FAM171B: variants seen among roughly 807,000 people sequenced by gnomAD.
FAM171B encodes the protein protein FAM171B.
FAM171B carries 19 observed loss-of-function variants against 75.6 expected under a neutral mutation model. The observed-to-expected ratio is 0.25, with a 90% CI of 0.18 to 0.37. The LOEUF (loss-of-function observed/expected upper bound fraction) is 0.37, where lower values mean the gene tolerates loss of function less well. Ranked by LOEUF, FAM171B falls within the 10% of genes least tolerant of loss-of-function variation. FAM171B has a pLI of 1.00. For synonymous variants in FAM171B, 367 were observed against 361.7 expected, an observed-to-expected ratio of 1.01 and a Z score of -0.17; for missense variants, 848 against 982.4, an observed-to-expected ratio of 0.86 and a Z score of 1.83.
intron 1 of FAM171B, among the ~76,000 whole-genome samples, chr2:186,718,994 C>G (rs939893321): frequency 1.3e-5 from 2 of 152,220 alleles, no homozygotes; most frequent in Non-Finnish European, 2.9e-5. Flanking sequence ...GCTATTCATG[C>G]TGTGCTATTC....
In FAM171B at chr2:186,710,879, T is replaced by C. The variant is rs546648748; in HGVS notation, c.238+16468T>C. Among the ~76,000 whole-genome samples the C allele has an allele frequency of 2.6e-5, 4 of 151,794 alleles. No individual in the cohort carries two copies. The East Asian group carries it at 7.7e-4, about 29-fold the overall frequency. On this transcript the variant is annotated intron_variant, in intron 1 of 7. Transcript: ENST00000304698. Reference sequence around the variant, plus strand: ...CATATTTGCTTTATCTCTATTACTGTCTTTACACACACACACACACATACA... The same window carrying C: ...CATATTTGCTTTATCTCTATTACTGCCTTTACACACACACACACACATACA...
chr2:186,721,002 A>G (rs755097424), intron 1 of FAM171B, among the ~76,000 whole-genome samples: 4 of 152,192 alleles, frequency 2.6e-5, no homozygotes, highest in Non-Finnish European at 5.9e-5. Context: ...ATAAAATATC[A>G]ATGATATTGA....
intron 1 of FAM171B, among the ~76,000 whole-genome samples, chr2:186,739,058 A>G (rs770806722): frequency 5.9e-5 from 9 of 152,184 alleles, no homozygotes; most frequent in Non-Finnish European, 1.3e-4. Context: ...CAATTGTAAC[A>G]CAATTTTAAG....
intron 5 of FAM171B, among the ~76,000 whole-genome samples, chr2:186,753,478 A>T (rs144057479): frequency 0.017 from 2,625 of 152,332 alleles, 27 homozygotes; most frequent in Non-Finnish European, 0.028. Context: ...TAAGTTTTTC[A>T]TGAATTCCAT....
intron 4 of FAM171B, among the ~76,000 whole-genome samples, chr2:186,749,858 C>T (rs1690423911): frequency 6.6e-6 from 1 of 152,020 alleles, no homozygotes; most frequent in African/African-American, 2.4e-5. Flanking sequence ...AGAGAGGAGG[C>T]CTTTCTTGAC....
chr2:186,708,824 T>C (rs773123921), intron 1 of FAM171B, among the ~76,000 whole-genome samples: 2 of 152,148 alleles, frequency 1.3e-5, no homozygotes, highest in African/African-American at 4.8e-5. Flanking sequence ...CAATACGTTG[T>C]CTAAAGGAAA....
chr2:186,710,720 A>C (rs1047804483), intron 1 of FAM171B, among the ~76,000 whole-genome samples: 2 of 152,122 alleles, frequency 1.3e-5, no homozygotes, highest in Non-Finnish European at 2.9e-5. Flanking sequence ...TTGTCATTTA[A>C]ATTTGAAGTT....
At chr2:186,721,297 G>A (rs1022232815) in intron 1 of FAM171B, among the ~76,000 whole-genome samples, 2 of 152,126 alleles carry the variant, frequency 1.3e-5, no homozygotes, top group African/African-American at 2.4e-5. Flanking sequence ...AGTCTAATGT[G>A]TAGCCAGGGT....
intron 1 of FAM171B, among the ~76,000 whole-genome samples, chr2:186,699,962 A>C (rs916179211): frequency 6.6e-5 from 10 of 152,142 alleles, no homozygotes; most frequent in South Asian, 4.1e-4. Context: ...TGGGTTCTCT[A>C]TTCTGTTCCA....
chr2:186,720,700 C>CAAAAA (rs71411184), intron 1 of FAM171B, among the ~76,000 whole-genome samples: 42 of 110,006 alleles, frequency 3.8e-4, no homozygotes, highest in Middle Eastern at 6.0e-3. Context: ...AGATCATGTA[C>CAAAAA]AAAAAAAAAA....
At chr2:186,711,462 G>A (rs1184937499) in intron 1 of FAM171B, among the ~76,000 whole-genome samples, 3 of 152,184 alleles carry the variant, frequency 2.0e-5, no homozygotes, top group South Asian at 2.1e-4. Flanking sequence ...TGTAAAAACT[G>A]GGAGTTGTCA....
intron 1 of FAM171B, among the ~76,000 whole-genome samples, chr2:186,732,501 C>T (rs1638378464): frequency 6.6e-6 from 1 of 152,156 alleles, no homozygotes; most frequent in South Asian, 2.1e-4. Flanking sequence ...GGCAGAGAGA[C>T]ACCAAGGCAA....
At chr2:186,718,628 T>C (rs570754137) in intron 1 of FAM171B, among the ~76,000 whole-genome samples, 13 of 152,322 alleles carry the variant, frequency 8.5e-5, no homozygotes, top group Non-Finnish European at 1.8e-4. Context: ...ATATTAAATA[T>C]ACTTACATAC....
At chr2:186,732,283 A>G (rs903210622) in intron 1 of FAM171B, among the ~76,000 whole-genome samples, 3 of 151,826 alleles carry the variant, frequency 2.0e-5, no homozygotes, top group Admixed American at 6.6e-5. Context: ...TTTTTAATTG[A>G]TGTTTTATAA....
chr2:186,699,436 A>G (rs1454730193), intron 1 of FAM171B, among the ~76,000 whole-genome samples: 2 of 152,124 alleles, frequency 1.3e-5, no homozygotes, highest in African/African-American at 4.8e-5. Flanking sequence ...TTTGAGAAAT[A>G]TCTATGCAGA....
At position 186,696,457 on chromosome 2, in the gene FAM171B, T is replaced by TA. The variant is rs3029382; in HGVS notation, c.238+2060dup. On this transcript the variant is annotated intron_variant, in intron 1 of 7. Coordinates refer to ENST00000304698, the MANE Select transcript of FAM171B (RefSeq NM_177454.4). Reference sequence around the variant, plus strand: ...TTCTCCTCACACAGCTAGCGATCTTTAAAAAAAAAAAAAACATTAAATAGG... The same window carrying TA: ...TTCTCCTCACACAGCTAGCGATCTTTAAAAAAAAAAAAAAACATTAAATAGG... Among the ~76,000 whole-genome samples, 438 of 129,710 alleles carry TA rather than the reference T, an allele frequency of 3.4e-3. 2 individuals are homozygous for TA. The highest frequency in any genetic ancestry group is 4.3e-3 in the African/African-American group (144 of 33,718). The allele number at this position is 129,710 out of a possible 152,430, so 85.1% of individuals were successfully genotyped here.
intron 1 of FAM171B, among the ~76,000 whole-genome samples, chr2:186,720,723 A>G (rs1328880743): frequency 6.6e-6 from 1 of 150,818 alleles, no homozygotes; most frequent in Non-Finnish European, 1.5e-5. Context: ...AAAAGAAAAG[A>G]AAACAAAACA....
At position 186,745,859 on chromosome 2, in the gene FAM171B, A is replaced by C. The variant is rs377050045; in HGVS notation, c.566-1233A>C. Among the ~76,000 whole-genome samples the C allele has an allele frequency of 5.9e-5, 9 of 152,366 alleles. No homozygotes were observed. The East Asian group carries it at 1.7e-3, about 29-fold the overall frequency. ...TCATAGGTAGTACCTGTGAGTGATC[A>C]GAAGGCTTTAGATTGTATCCTCAAC... On this transcript the variant is annotated intron_variant, in intron 3 of 7. Transcript: ENST00000304698.
rs534808734 is a variant in FAM171B at position 186,765,820 on chromosome 2, T to C, written c.*2997T>C. 7.9e-5 allele frequency: 12 copies of C among 152,274 alleles called. 1 individual carries two copies. Among genetic ancestry groups the C allele is most frequent in the African/African-American group, 2.9e-4 (12 of 41,588 alleles). The allele number at this position is 152,274 out of a possible 1,614,324, so 9.4% of individuals were successfully genotyped here. On this transcript the variant is annotated 3_prime_UTR_variant, in exon 8 of 8. Coordinates refer to ENST00000304698, the MANE Select transcript of FAM171B (RefSeq NM_177454.4). Reference sequence around the variant, plus strand: ...TGTTTCCAGGTGTTTCTATTTTTTGTATTCTTTCAGAGAAATCTCATATTT... The same window carrying C: ...TGTTTCCAGGTGTTTCTATTTTTTGCATTCTTTCAGAGAAATCTCATATTT...
Sources: gnomAD v4.1 joint callset for allele counts (sites outside exome capture counted in the v4.1 genomes callset) on GRCh38, gnomAD v4.1.1 for gene constraint, MANE v1.5 for transcripts, NCBI Gene and HGNC (gene_info 2026-07-23, HGNC 2026-07-21) for gene names.